SEM1: variants seen among roughly 807,000 people sequenced by gnomAD.
The protein encoded by SEM1 is 26S proteasome complex subunit SEM1.
A neutral mutation model predicts 12.7 loss-of-function variants in SEM1; 3 were observed. The observed-to-expected ratio is 0.24, with a 90% CI of 0.11 to 0.61. The LOEUF is 0.61. Ranked by LOEUF, SEM1 falls within the 20% of genes least tolerant of loss-of-function variation. The pLI, the probability that SEM1 is intolerant of heterozygous loss-of-function variation, is 0.88. For missense variants in SEM1, 59 were observed against 81.3 expected (o/e 0.73, Z 1.06); for synonymous variants, 30 against 27.8 (o/e 1.08, Z -0.25).
downstream of SEM1, among the ~76,000 whole-genome samples, chr7:96,618,298 G>T (rs367811112): frequency 6.6e-6 from 1 of 152,038 alleles, no homozygotes; most frequent in African/African-American, 2.4e-5. Context: ...TCCTTTACAG[G>T]TGACTTGATG....
At position 96,640,220 on chromosome 7, in the gene SEM1, G is replaced by A. The variant is rs1808550022; in HGVS notation, c.171-17577C>T. ...ATGGGATCCAGAAATTATATGCCTT[G>A]GTATTTACTCAAAGGAACTGAAAAC... is the stretch of plus-strand genomic sequence containing the variant. On this transcript the variant is annotated intron_variant, in intron 2 of 2. Transcript: ENST00000417009. This position sits in a 1 kb window ranked among gnomAD's most constrained non-coding sequence, Gnocchi z 4.0. Among the ~76,000 whole-genome samples, 2 of 151,758 alleles carry A rather than the reference G, an allele frequency of 1.3e-5. No homozygotes were observed.
At chr7:96,529,104 C>T (rs1259097830) in intron 2 of SEM1, among the ~76,000 whole-genome samples, 1 of 152,014 alleles carries the variant, frequency 6.6e-6, no homozygotes, top group African/African-American at 2.4e-5. Flanking sequence ...CCTTATGATA[C>T]AAAATCACTT....
intron 2 of SEM1, among the ~76,000 whole-genome samples, chr7:96,585,440 C>G (rs539665961): frequency 1.4e-5 from 2 of 146,226 alleles, no homozygotes; most frequent in Non-Finnish European, 3.0e-5. Context: ...GCCCTGCCCC[C>G]AGAGGTGGAG....
chr7:96,592,471 T>C (rs1288194860), intron 2 of SEM1, among the ~76,000 whole-genome samples: 1 of 152,018 alleles, frequency 6.6e-6, no homozygotes, highest in Admixed American at 6.6e-5. Flanking sequence ...CTGGAGATTG[T>C]CATATTCTGA....
chr7:96,645,662 A>G (rs1808765976), intron 2 of SEM1: 1 of 397,010 alleles, frequency 2.5e-6, no homozygotes, highest in Non-Finnish European at 4.4e-6. Flanking sequence ...TACCATACAC[A>G]GTAGTTTTAT....
intron 2 of SEM1, among the ~76,000 whole-genome samples, chr7:96,541,910 C>T (rs201553057): frequency 4.8e-5 from 7 of 145,108 alleles, no homozygotes; most frequent in Admixed American, 2.1e-4. Flanking sequence ...GCTTTATTTC[C>T]GGGTTCTGTA....
intron 2 of SEM1, among the ~76,000 whole-genome samples, chr7:96,623,547 T>A (rs1266701063): frequency 5.4e-5 from 8 of 148,022 alleles, no homozygotes; most frequent in Non-Finnish European, 1.2e-4. Context: ...TTTATATAAA[T>A]GTATTATTTT....
chr7:96,698,203 AT>A (rs1790157308), intron 1 of SEM1, among the ~76,000 whole-genome samples: 1 of 152,122 alleles, frequency 6.6e-6, no homozygotes, highest in Non-Finnish European at 1.5e-5. Flanking sequence ...ATTAAAAAAA[AT>A]ATAAGTCTGG....
In SEM1 at chr7:96,510,907, T is replaced by C. The variant is rs1186145685; in HGVS notation, c.171-4209A>G. Among the ~76,000 whole-genome samples the C allele has an allele frequency of 2.0e-5, 3 of 152,130 alleles. No homozygotes were observed. In the East Asian group the frequency reaches 5.8e-4, roughly 29 times the overall value. ...TAAAAAGATTATTTGGATGAAATTA[T>C]GTCCTGAAAGCTGATTGACCCTCAG... On this transcript the variant is annotated intron_variant and NMD_transcript_variant, in intron 2 of 3. Transcript: ENST00000466986.
At chr7:96,707,128 AG>A (rs1439133648) in intron 1 of SEM1, among the ~76,000 whole-genome samples, 1 of 152,220 alleles carries the variant, frequency 6.6e-6, no homozygotes, top group African/African-American at 2.4e-5. Context: ...CTGATTAAGT[AG>A]GTCTAGGTTT....
chr7:96,651,255 A>G (rs1489976101), intron 2 of SEM1, among the ~76,000 whole-genome samples: 3 of 152,234 alleles, frequency 2.0e-5, no homozygotes, highest in African/African-American at 7.2e-5. Flanking sequence ...CAAGATTCCA[A>G]TTAAAAACAC....
chr7:96,589,930 A>C (rs1402052664), intron 2 of SEM1, among the ~76,000 whole-genome samples: 1 of 152,186 alleles, frequency 6.6e-6, no homozygotes, highest in African/African-American at 2.4e-5. Flanking sequence ...AAAAATAACA[A>C]ATGCTAATTC....
At chr7:96,701,349 T>C (rs1467101153) in intron 1 of SEM1, among the ~76,000 whole-genome samples, 2 of 151,938 alleles carry the variant, frequency 1.3e-5, no homozygotes, top group African/African-American at 4.8e-5. Flanking sequence ...GCTCCCATGA[T>C]GGGATTAGTG....
At chr7:96,568,821 C>T (rs1172109930) in intron 2 of SEM1, among the ~76,000 whole-genome samples, 1 of 151,724 alleles carries the variant, frequency 6.6e-6, no homozygotes, top group East Asian at 1.9e-4. Flanking sequence ...AAGTGCATTA[C>T]GATTTTTATC....
intron 2 of SEM1, among the ~76,000 whole-genome samples, chr7:96,512,739 A>G (rs1203573053): frequency 6.6e-6 from 1 of 152,118 alleles, no homozygotes; most frequent in Non-Finnish European, 1.5e-5. Flanking sequence ...GTTTGTGATC[A>G]AGTGTCACTA....
chr7:96,507,419 G>A (rs918031092), intron 2 of SEM1, among the ~76,000 whole-genome samples: 5 of 152,118 alleles, frequency 3.3e-5, no homozygotes, highest in Admixed American at 1.3e-4. Flanking sequence ...CAAAAGGAAC[G>A]AAAAGCACAA....
At chr7:96,628,632 G>A (rs1808150051) in intron 2 of SEM1, among the ~76,000 whole-genome samples, 1 of 151,928 alleles carries the variant, frequency 6.6e-6, no homozygotes. Flanking sequence ...CCTTTCAATT[G>A]TTTCATCTTT....
chr7:96,641,005 A>T (rs750376299), intron 2 of SEM1, among the ~76,000 whole-genome samples: 20 of 152,012 alleles, frequency 1.3e-4, no homozygotes, highest in Non-Finnish European at 2.4e-4. Context: ...AAACTTTTTT[A>T]AATATTATGT....
intron 2 of SEM1, among the ~76,000 whole-genome samples, chr7:96,596,997 A>G (rs976736676): frequency 3.9e-5 from 6 of 152,196 alleles, no homozygotes; most frequent in African/African-American, 1.4e-4. Context: ...ATAAAATTAC[A>G]CTGAAGCTGG....
Sources: allele counts gnomAD v4.1 joint callset (sites outside exome capture counted in the v4.1 genomes callset), GRCh38; gene constraint gnomAD v4.1.1; non-coding constraint Gnocchi (gnomAD v3.1); transcripts MANE v1.5; gene names NCBI Gene and HGNC (gene_info 2026-07-23, HGNC 2026-07-21).